The following SPDYE12 variants were observed in gnomAD, a reference collection of about 807,000 sequenced individuals.
The protein encoded by SPDYE12 is speedy protein E12.
the SPDYE12 span, among the ~76,000 whole-genome samples, chr7:74,912,770 CT>C: frequency 8.9e-3 from 100 of 11,216 alleles, no homozygotes; most frequent in African/African-American, 0.011. Context: ...TTTTTTTCTT[CT>C]TTTTTTTTTT....
the SPDYE12 span, among the ~76,000 whole-genome samples, chr7:74,914,783 CATG>C: frequency 1.3e-5 from 2 of 148,752 alleles, no homozygotes; most frequent in African/African-American, 4.9e-5. Flanking sequence ...ATTAGTCAGG[CATG>C]GTGGTGGGTG....
chr7:74,908,699 A>C, the SPDYE12 span, among the ~76,000 whole-genome samples: 2 of 85,614 alleles, frequency 2.3e-5, no homozygotes, highest in African/African-American at 9.3e-5. Context: ...TTTGAGACGG[A>C]GTCTCATTCT....
At chr7:74,907,943 A>G in the SPDYE12 span, among the ~76,000 whole-genome samples, 1 of 149,938 alleles carries the variant, frequency 6.7e-6, no homozygotes, top group Non-Finnish European at 1.5e-5. Flanking sequence ...GCAATTGAAT[A>G]CACTGATATT....
chr7:74,914,897 T>G, the SPDYE12 span, among the ~76,000 whole-genome samples: 11 of 141,892 alleles, frequency 7.8e-5, no homozygotes, highest in Non-Finnish European at 1.4e-4. Context: ...CACTCCAGCC[T>G]GGGCAACAAG....
At chr7:74,909,665 G>A in the SPDYE12 span, 2 of 1,557,202 alleles carry the variant, frequency 1.3e-6, no homozygotes, top group Non-Finnish European at 1.8e-6. Context: ...GAGGAAGATT[G>A]TGGAGATAGT....
At chr7:74,910,695 C>T in the SPDYE12 span, 1 of 1,267,062 alleles carries the variant, frequency 7.9e-7, no homozygotes. Context: ...TCTCACAAAA[C>T]AAAAACAAAA....
the SPDYE12 span, among the ~76,000 whole-genome samples, chr7:74,909,033 G>GTCT: frequency 3.1e-5 from 1 of 32,000 alleles, no homozygotes; most frequent in Non-Finnish European, 9.0e-5. Flanking sequence ...TTTTTGCCTG[G>GTCT]TTTTTTTTTT....
chr7:74,914,943 A>C, the SPDYE12 span, among the ~76,000 whole-genome samples: 76,329 of 137,750 alleles, frequency 0.55, 20,329 homozygotes, highest in East Asian at 0.9. Flanking sequence ...AAACAAAAAA[A>C]AAACAAAAAG....
the SPDYE12 span, among the ~76,000 whole-genome samples, chr7:74,910,528 A>G: frequency 6.8e-6 from 1 of 147,250 alleles, no homozygotes; most frequent in African/African-American, 2.5e-5. Context: ...CGTCTCTACT[A>G]AAAACACAAA....
the SPDYE12 span, among the ~76,000 whole-genome samples, chr7:74,909,232 TTAG>T: frequency 2.0e-5 from 3 of 150,910 alleles, no homozygotes; most frequent in Admixed American, 6.7e-5. Context: ...TTTTCTATTT[TTAG>T]TAGAGACGGG....
the SPDYE12 span, among the ~76,000 whole-genome samples, chr7:74,910,158 G>A: frequency 7.0e-6 from 1 of 143,410 alleles, no homozygotes; most frequent in Admixed American, 7.2e-5. Context: ...GATCATGTGA[G>A]CCCAACAGTT....
At chr7:74,909,033 GTTTTTTTTTTTTTTTTTGGCT>G in the SPDYE12 span, among the ~76,000 whole-genome samples, 3 of 32,002 alleles carry the variant, frequency 9.4e-5, no homozygotes, top group African/African-American at 1.2e-4. Context: ...TTTTTGCCTG[GTTTTTTTTTTTTTTTTTGGCT>G]TTTTTTTTTT....
chr7:74,909,410 A>G, the SPDYE12 span: 4 of 1,299,026 alleles, frequency 3.1e-6, no homozygotes, highest in Non-Finnish European at 4.4e-6. Flanking sequence ...TTTTTTGTAC[A>G]CAGAGTAAAG....
chr7:74,909,872 C>T, the SPDYE12 span, among the ~76,000 whole-genome samples: 5 of 147,350 alleles, frequency 3.4e-5, no homozygotes, highest in Non-Finnish European at 6.0e-5. Context: ...GTGTCTAGGT[C>T]GGCTGGTGTC....
the SPDYE12 span, among the ~76,000 whole-genome samples, chr7:74,909,033 GT>G: frequency 0.32 from 10,081 of 31,930 alleles, 1,241 homozygotes; most frequent in African/African-American, 0.51. Context: ...TTTTTGCCTG[GT>G]TTTTTTTTTT....
the SPDYE12 span, among the ~76,000 whole-genome samples, chr7:74,910,250 G>C: frequency 1.4e-5 from 2 of 146,196 alleles, 1 homozygote; most frequent in South Asian, 4.4e-4. Flanking sequence ...CATGTGCCTA[G>C]TCCCAGCTCC....
At chr7:74,914,275 TGCACAGTGGCTC>T in the SPDYE12 span, among the ~76,000 whole-genome samples, 4 of 22,034 alleles carry the variant, frequency 1.8e-4, no homozygotes, top group African/African-American at 5.9e-4. Context: ...ATCTCAGCTG[TGCACAGTGGCTC>T]ATGCTTGTAA....
the SPDYE12 span, among the ~76,000 whole-genome samples, chr7:74,907,663 G>A: frequency 4.7e-5 from 7 of 150,412 alleles, no homozygotes; most frequent in Non-Finnish European, 8.9e-5. Context: ...CCCAGGAGGC[G>A]GAGGTTGCAG....
chr7:74,907,746 T>C, the SPDYE12 span, among the ~76,000 whole-genome samples: 1 of 146,198 alleles, frequency 6.8e-6, no homozygotes, highest in South Asian at 2.1e-4. Flanking sequence ...AATAAATAAA[T>C]AAATAAATAA....
Sources: allele counts gnomAD v4.1 joint callset (sites outside exome capture counted in the v4.1 genomes callset), GRCh38; gene constraint gnomAD v4.1.1; transcripts MANE v1.5; gene names NCBI Gene and HGNC (gene_info 2026-07-23, HGNC 2026-07-21).